The following CNIH2 variants were observed in gnomAD, a reference collection of about 807,000 sequenced individuals.
The protein encoded by CNIH2 is protein cornichon homolog 2.
In CNIH2, 8 loss-of-function variants were observed where a neutral mutation model predicts 22.9. The observed-to-expected ratio is 0.35, with a 90% CI of 0.20 to 0.63. The LOEUF (loss-of-function observed/expected upper bound fraction) is 0.63, where lower values mean the gene tolerates loss of function less well. Among genes scored for constraint, CNIH2 ranks in the 30% least tolerant of loss-of-function variants. CNIH2 has a pLI of 0.72. For missense variants in CNIH2, 105 were observed against 206.2 expected (o/e 0.51, Z 3.01); for synonymous variants, 74 against 78.2 (o/e 0.95, Z 0.28).
chr11:66,281,670 G>T, intron 1 of CNIH2: 1 of 356,510 alleles, frequency 2.8e-6, no homozygotes, highest in South Asian at 2.1e-5. Context: ...TTTTCTTCCT[G>T]CTCGCTGCGC....
chr11:66,279,598 C>T (rs1034651656), intron 1 of CNIH2, among the ~76,000 whole-genome samples: 5 of 152,154 alleles, frequency 3.3e-5, no homozygotes, highest in African/African-American at 9.7e-5. Flanking sequence ...TCCCTCAATC[C>T]CATTTCCCAT....
chr11:66,278,497 T>G lies in CNIH2; in HGVS notation c.41T>G (p.Leu14Arg). 1 of 1,530,874 alleles carries G rather than the reference T, an allele frequency of 6.5e-7. No homozygotes were observed. The highest frequency in any genetic ancestry group is 8.8e-7 in the Non-Finnish European group (1 of 1,137,324). 94.8% of individuals were successfully genotyped at this position (1,530,874 alleles called of 1,614,324 possible). A position where few individuals can be genotyped will look rare whatever the true frequency, so the allele number is the denominator to read the frequency against. Residue 14 changes from leucine to arginine, a missense_variant, in exon 1 of 6, where the codon CTG becomes CGG. Transcript: ENST00000311445. The part of the protein sequence containing the change: ...TFAAFCYMLT[L>R]VLCASLIFFV... ...GCCGCGTTCTGCTACATGCTCACCC[T>G]GGTGCTGTGCGCCTCCCTCATCTTC...
intron 1 of CNIH2, chr11:66,281,613 A>T: frequency 2.6e-6 from 1 of 382,710 alleles, no homozygotes; most frequent in South Asian, 1.9e-5. Flanking sequence ...CAGGGCGCCC[A>T]TGTCTGGCTC....
At chr11:66,278,684 AC>A (rs1232914731) in intron 1 of CNIH2, 147 bp downstream of exon 1, 6 of 403,694 alleles carry the variant, frequency 1.5e-5, no homozygotes, top group South Asian at 4.8e-5. Context: ...CCCCATTAAC[AC>A]CCCCCGTGGT....
chr11:66,282,700 C>A (rs1484667901), intron 2 of CNIH2, 33 bp from the exon 3 acceptor site: 52 of 1,613,004 alleles, frequency 3.2e-5, no homozygotes, highest in Non-Finnish European at 4.4e-5. Context: ...GCTTCTCCGC[C>A]ACCCCATCGC....
At chr11:66,278,560 GC>G in intron 1 of CNIH2, 23 bp downstream of exon 1, 1 of 1,367,654 alleles carries the variant, frequency 7.3e-7, no homozygotes, top group Non-Finnish European at 9.7e-7. Context: ...TGGGGCTGGG[GC>G]TGGGGGCGGG....
intron 1 of CNIH2, chr11:66,281,503 G>A (rs1236923889): frequency 1.1e-5 from 5 of 456,064 alleles, no homozygotes; most frequent in Non-Finnish European, 2.2e-5. Context: ...CCAATCCTAA[G>A]ACATGGACCT....
chr11:66,281,396 G>C (rs1466251373), intron 1 of CNIH2: 1 of 456,252 alleles, frequency 2.2e-6, no homozygotes, highest in Admixed American at 2.3e-5. Flanking sequence ...AATTAAATGA[G>C]TGAATCCACA....
rs776948010 is a variant in CNIH2, at chr11:66,283,579, T to C, written c.465T>C (p.Tyr155=). 67 of 1,586,482 alleles carry C rather than the reference T, an allele frequency of 4.2e-5. No individual in the cohort carries two copies. Among genetic ancestry groups the C allele is most frequent in the Non-Finnish European group, 5.4e-5 (63 of 1,165,450 alleles). ...GCTCATCTTCCTACAGTATGGTTTATACGTTGGTGAGTTTCTAAGGGGGAA... is the reference window on the plus strand; with the variant it reads ...GCTCATCTTCCTACAGTATGGTTTACACGTTGGTGAGTTTCTAAGGGGGAA... ...SFFYYLYSMV[Y]TLVSF is the part of the protein sequence containing the mutation. Residue 155 remains tyrosine, a synonymous_variant, in exon 6 of 6, where the codon TAT becomes TAC. Transcript: ENST00000311445.
chr11:66,281,294 G>A, intron 1 of CNIH2: 2 of 443,174 alleles, frequency 4.5e-6, no homozygotes, highest in African/African-American at 2.0e-5. Context: ...CAGCCGTGTG[G>A]CCCTGGACAA....
Position 66,278,389 on chromosome 11 carries a change from C to T in CNIH2, c.-68C>T. On this transcript the variant is annotated 5_prime_UTR_variant, in exon 1 of 6. Coordinates refer to ENST00000311445, the MANE Select transcript of CNIH2 (RefSeq NM_182553.3). ...TGCCCGGCCGGCCCTAAGCGCGGGC[C>T]GGGGGGCGTCCCCTTGCGCCCGGGC... 6.7e-6 allele frequency: 4 copies of T among 598,488 alleles called. No individual in the cohort carries two copies. The highest frequency in any genetic ancestry group is 8.5e-6 in the Non-Finnish European group (4 of 473,306). 37.1% of individuals were successfully genotyped at this position (598,488 alleles called of 1,614,324 possible). A position where few individuals can be genotyped will look rare whatever the true frequency, so the allele number is the denominator to read the frequency against.
intron 1 of CNIH2, among the ~76,000 whole-genome samples, chr11:66,281,831 A>G (rs1252100853): frequency 6.6e-6 from 1 of 151,464 alleles, no homozygotes; most frequent in Non-Finnish European, 1.5e-5. Flanking sequence ...CTCACCCCCC[A>G]CACAGGGTTA....
At position 66,282,246 on chromosome 11, in the gene CNIH2, G is replaced by A. The variant is rs779416405; in HGVS notation, c.82-13G>A. ...GCTGCCCCAACCCTGACGGGCACACGCCCCTCCCCCAGATCATAGCCTTTG... is the reference window on the plus strand; with the variant it reads ...GCTGCCCCAACCCTGACGGGCACACACCCCTCCCCCAGATCATAGCCTTTG... On this transcript the variant is annotated splice_polypyrimidine_tract_variant and intron_variant, in intron 1 of 5. Transcript: ENST00000311445. The A allele has an allele frequency of 6.2e-7, 1 of 1,612,512 alleles. No individual in the cohort carries two copies. The highest frequency in any genetic ancestry group is 1.7e-5 in the Admixed American group (1 of 60,028).
At chr11:66,278,630 AG>A (rs1464043486) in intron 1 of CNIH2, 93 bp downstream of exon 1, 6 of 958,334 alleles carry the variant, frequency 6.3e-6, no homozygotes, top group East Asian at 4.2e-5. Flanking sequence ...CTCAGAGCCC[AG>A]GGGAAACTTG....
intron 2 of CNIH2, 85 bp downstream of exon 2, chr11:66,282,412 CG>C: frequency 1.8e-5 from 1 of 56,866 alleles, no homozygotes; most frequent in Non-Finnish European, 3.2e-5. Flanking sequence ...GACGGGAAGA[CG>C]GGGGTGGGGT....
Position 66,283,096 on chromosome 11 carries a change from A to C in CNIH2, c.260A>C (p.Glu87Ala). The C allele has an allele frequency of 6.2e-7, 1 of 1,613,944 alleles. No individual in the cohort carries two copies. The highest frequency in any genetic ancestry group is 8.5e-7 in the Non-Finnish European group (1 of 1,179,978). ...LFCLMFLCAA[E>A]WVTLGLNIPL... Reference sequence around the variant, plus strand: ...TGTCTGATGTTTCTGTGTGCAGCAGAGTGGGTGACCCTGGGCCTCAACATC... The same window carrying C: ...TGTCTGATGTTTCTGTGTGCAGCAGCGTGGGTGACCCTGGGCCTCAACATC... Residue 87 changes from glutamate (E) to alanine (A), a missense_variant, in exon 4 of 6, where the codon GAG (glutamate) becomes GCG (alanine). Coordinates refer to ENST00000311445, the MANE Select transcript of CNIH2 (RefSeq NM_182553.3).
chr11:66,283,265 C>G lies in CNIH2; in HGVS notation c.329C>G (p.Ala110Gly). Residue 110 changes from alanine (A) to glycine (G), a missense_variant, in exon 5 of 6, where the codon GCA becomes GGA. Ala to Gly is a moderately conservative substitution (Grantham distance 60). Coordinates refer to ENST00000311445, the MANE Select transcript of CNIH2 (RefSeq NM_182553.3). ...TGCCCCAGGTACTTCCACCGTCCTG[C>G]AGATGGCTCTGAGGTCATGTATGAT... ...YHLWRYFHRP[A>G]DGSEVMYDAV... 6.2e-7 allele frequency: 1 copy of G among 1,614,040 alleles called. No individual in the cohort carries two copies. Among genetic ancestry groups the G allele is most frequent in the South Asian group, 1.1e-5 (1 of 91,090 alleles).
chr11:66,279,646 C>T (rs771795349), intron 1 of CNIH2, among the ~76,000 whole-genome samples: 2 of 152,196 alleles, frequency 1.3e-5, no homozygotes, highest in Non-Finnish European at 1.5e-5. Flanking sequence ...TCACCTGCTT[C>T]TTTCCCGGGC....
At position 66,284,067 on chromosome 11, in the gene CNIH2, G is replaced by C. The variant is rs1346109459; in HGVS notation, c.*470G>C. The C allele has an allele frequency of 5.4e-6, 1 of 186,644 alleles. No individual in the cohort carries two copies. The highest frequency in any genetic ancestry group is 2.4e-5 in the African/African-American group (1 of 42,012). 11.6% of individuals were successfully genotyped at this position (186,644 alleles called of 1,614,324 possible). On this transcript the variant is annotated 3_prime_UTR_variant, in exon 6 of 6. Coordinates refer to ENST00000311445, the MANE Select transcript of CNIH2 (RefSeq NM_182553.3). ...TAGTCTGCCCTCCCCTCTCCCCCAG[G>C]CTCTTTCTCCAGCCCTGTCTCCATC...
Sources: gnomAD v4.1 joint callset for allele counts (sites outside exome capture counted in the v4.1 genomes callset) on GRCh38, gnomAD v4.1.1 for gene constraint, MANE v1.5 for transcripts, NCBI Gene and HGNC (gene_info 2026-07-23, HGNC 2026-07-21) for gene names.